Variants in PCDH7 observed in about 807,000 individuals in gnomAD.
PCDH7 encodes protocadherin 7.
In PCDH7, 17 loss-of-function variants were observed where a neutral mutation model predicts 58.9. The ratio of observed to expected loss-of-function variants is 0.29; its 90% CI spans 0.20 to 0.43. The LOEUF (loss-of-function observed/expected upper bound fraction) is 0.43, where lower values mean the gene tolerates loss of function less well. Ranked by LOEUF, PCDH7 falls within the 20% of genes least tolerant of loss-of-function variation. The pLI is 1.00. For missense variants in PCDH7, 1,274 were observed against 1,441.0 expected (o/e 0.88, Z 1.88); for synonymous variants, 664 against 616.4 (o/e 1.08, Z -1.14).
At chr4:31,031,205 A>G (rs1189583395) in intron 3 of PCDH7, among the ~76,000 whole-genome samples, 5 of 152,140 alleles carry the variant, frequency 3.3e-5, no homozygotes, top group Non-Finnish European at 7.3e-5. Context: ...AATGAGGAGA[A>G]TTTTTGACAC....
chr4:30,797,749 T>G (rs1206375881), intron 1 of PCDH7, among the ~76,000 whole-genome samples: 1 of 152,196 alleles, frequency 6.6e-6, no homozygotes, highest in African/African-American at 2.4e-5. Context: ...CTAGATTGCT[T>G]ACTAAACAAT....
intron 1 of PCDH7, among the ~76,000 whole-genome samples, chr4:30,896,378 C>G (rs1395117974): frequency 1.3e-5 from 2 of 152,108 alleles, no homozygotes; most frequent in African/African-American, 4.8e-5. Context: ...TGAACTGGCT[C>G]TCAGTGGTCT....
intron 3 of PCDH7, among the ~76,000 whole-genome samples, chr4:30,975,067 G>A (rs1749945422): frequency 6.6e-6 from 1 of 151,880 alleles, no homozygotes; most frequent in South Asian, 2.1e-4. Flanking sequence ...TTCAGGAGGA[G>A]ACAGTCCCCC....
In PCDH7 at chr4:30,811,565, C is replaced by A. The variant is rs1052430378; in HGVS notation, c.70+86969C>A. On this transcript the variant is annotated intron_variant, in intron 1 of 3. Transcript: ENST00000509759. ...TGGAGGGAAGCAACTGGGCAGGACT[C>A]CCTTTTCAGGGTACAGTAGGTACAG... Among the ~76,000 whole-genome samples, 5 of 152,138 alleles carry A rather than the reference C, an allele frequency of 3.3e-5. No homozygotes were observed. In the South Asian group the frequency reaches 1.0e-3, roughly 31 times the overall value.
chr4:31,127,140 T>C (rs1311497508), intron 3 of PCDH7, among the ~76,000 whole-genome samples: 1 of 152,162 alleles, frequency 6.6e-6, no homozygotes, highest in Non-Finnish European at 1.5e-5. Context: ...TGGAGACGAA[T>C]AGTTGATCAT....
At chr4:31,017,658 G>A (rs186403620) in intron 3 of PCDH7, among the ~76,000 whole-genome samples, 41 of 152,052 alleles carry the variant, frequency 2.7e-4, no homozygotes, top group African/African-American at 8.0e-4. Flanking sequence ...AATAATGATC[G>A]TATAATGAAA....
At chr4:31,100,218 C>G (rs1308443558) in intron 3 of PCDH7, among the ~76,000 whole-genome samples, 2 of 151,966 alleles carry the variant, frequency 1.3e-5, no homozygotes, top group Non-Finnish European at 2.9e-5. Flanking sequence ...AAGTAAAGCT[C>G]GATAGGTAGA....
intron 1 of PCDH7, among the ~76,000 whole-genome samples, chr4:30,794,261 T>G (rs1428551385): frequency 6.6e-6 from 1 of 152,224 alleles, no homozygotes; most frequent in Admixed American, 6.5e-5. Context: ...TTTATGCTGC[T>G]TACTATTCAA....
chr4:30,795,008 C>G (rs1724608749), intron 1 of PCDH7, among the ~76,000 whole-genome samples: 2 of 151,896 alleles, frequency 1.3e-5, no homozygotes. Flanking sequence ...TTTTTCCTCC[C>G]TCTTGGATTT....
chr4:31,125,887 T>C (rs888078881), intron 3 of PCDH7, among the ~76,000 whole-genome samples: 4 of 152,198 alleles, frequency 2.6e-5, no homozygotes, highest in African/African-American at 9.6e-5. Flanking sequence ...CATAACCTCA[T>C]TGTAAGTCAA....
At chr4:30,980,880 G>T (rs1750495321) in intron 3 of PCDH7, among the ~76,000 whole-genome samples, 1 of 152,090 alleles carries the variant, frequency 6.6e-6, no homozygotes, top group African/African-American at 2.4e-5. Context: ...ATCTCGCTCT[G>T]TCACCCAGGC....
chr4:30,900,071 G>A (rs142171669), intron 1 of PCDH7, among the ~76,000 whole-genome samples: 172 of 152,182 alleles, frequency 1.1e-3, no homozygotes, highest in Middle Eastern at 3.4e-3. Context: ...TCTGAGTATT[G>A]AACAGTTTCC....
intron 1 of PCDH7, among the ~76,000 whole-genome samples, chr4:30,877,823 C>A (rs1477908521): frequency 3.3e-5 from 5 of 151,972 alleles, no homozygotes; most frequent in Admixed American, 3.3e-4. Flanking sequence ...TATGCCAGTG[C>A]CAATTCTTAT....
intron 1 of PCDH7, among the ~76,000 whole-genome samples, chr4:30,832,345 C>G (rs536896706): frequency 6.6e-6 from 1 of 152,116 alleles, no homozygotes; most frequent in Non-Finnish European, 1.5e-5. Context: ...TGCTTACTTG[C>G]TTTCTTGCTT....
At position 31,141,731 on chromosome 4, in the gene PCDH7, T is replaced by C. The variant is rs553791398; in HGVS notation, c.*8-742T>C. Among the ~76,000 whole-genome samples the C allele has an allele frequency of 3.0e-4, 46 of 152,290 alleles. No individual in the cohort carries two copies. The South Asian group carries it at 8.9e-3, about 30-fold the overall frequency. ...CCAAAGTTTAGTAACTTACCCGTAT[T>C]CACCCAGTACATTACATTTCAGATA... On this transcript the variant is annotated intron_variant, in intron 3 of 3. Coordinates refer to the PCDH7 transcript ENST00000509759.
At chr4:30,898,857 C>T (rs1404910104) in intron 1 of PCDH7, among the ~76,000 whole-genome samples, 2 of 152,144 alleles carry the variant, frequency 1.3e-5, no homozygotes, top group African/African-American at 4.8e-5. Flanking sequence ...TCCCAAAGTG[C>T]TGGGATTACA....
intron 3 of PCDH7, among the ~76,000 whole-genome samples, chr4:31,088,365 C>A (rs967046985): frequency 3.9e-5 from 6 of 152,020 alleles, no homozygotes; most frequent in African/African-American, 9.7e-5. Flanking sequence ...AGATTACAAG[C>A]TACGTGAAGA....
At chr4:30,954,931 C>T (rs966376006) in intron 3 of PCDH7, among the ~76,000 whole-genome samples, 2 of 152,114 alleles carry the variant, frequency 1.3e-5, no homozygotes, top group Non-Finnish European at 2.9e-5. Context: ...CATGTGTTGA[C>T]TTATTTTTCT....
chr4:30,833,609 C>CA (rs1279630234), intron 1 of PCDH7, among the ~76,000 whole-genome samples: 2 of 152,140 alleles, frequency 1.3e-5, no homozygotes, highest in African/African-American at 4.8e-5. Flanking sequence ...TCATAGGGTA[C>CA]ATGGGTAAGG....
Sources: allele counts gnomAD v4.1 joint callset (sites outside exome capture counted in the v4.1 genomes callset), GRCh38; gene constraint gnomAD v4.1.1; transcripts MANE v1.5; gene names NCBI Gene and HGNC (gene_info 2026-07-23, HGNC 2026-07-21).